Variants in ARID3B observed in about 807,000 individuals in gnomAD.
ARID3B encodes the protein AT-rich interactive domain-containing protein 3B.
Under a neutral mutation model 51.9 loss-of-function variants are expected in ARID3B, and 10 were observed. The observed-to-expected ratio is 0.19, with a 90% confidence interval of 0.12 to 0.33. The LOEUF (loss-of-function observed/expected upper bound fraction) is 0.33. Ranked by LOEUF, ARID3B falls within the 10% of genes least tolerant of loss-of-function variation. ARID3B has a pLI of 1.00. For synonymous variants in ARID3B, 205 were observed against 279.5 expected (o/e 0.73, Z 2.66); for missense variants, 483 against 716.3 (o/e 0.67, Z 3.72).
At position 74,544,261 on chromosome 15, in the gene ARID3B, G is replaced by A; in HGVS notation, c.325G>A (p.Glu109Lys). 3 of 1,614,220 alleles carry A rather than the reference G, an allele frequency of 1.9e-6. No individual in the cohort carries two copies. Among genetic ancestry groups the A allele is most frequent in the Non-Finnish European group, 2.5e-6 (3 of 1,180,030 alleles). The change falls in exon 2 of 9, where the codon GAG becomes AAG. Residue 109 changes from glutamate (E) to lysine (K), a missense_variant. Around this residue, in one of 3 missense-constraint regions of ARID3B, gnomAD observed 182 missense variants for 244.5 expected, o/e 0.74. Coordinates refer to ENST00000346246, the MANE Select transcript of ARID3B (RefSeq NM_006465.4). ...EDEDGDDEVA[E>K]VAEKETQAAS... Reference sequence around the variant, plus strand: ...TGAGGATGGGGATGATGAAGTTGCAGAGGTGGCTGAGAAAGAAACCCAGGC... The same window carrying A: ...TGAGGATGGGGATGATGAAGTTGCAAAGGTGGCTGAGAAAGAAACCCAGGC...
intron 4 of ARID3B, among the ~76,000 whole-genome samples, chr15:74,580,886 T>G (rs775117089): frequency 6.6e-5 from 10 of 152,234 alleles, no homozygotes; most frequent in Non-Finnish European, 1.3e-4. Context: ...ATCTAGCTGA[T>G]GAACACAGGG....
At chr15:74,573,237 G>GAAT in intron 4 of ARID3B, 33 bp downstream of exon 4, 2 of 1,598,666 alleles carry the variant, frequency 1.3e-6, no homozygotes, top group African/African-American at 2.7e-5. Context: ...TTCCAATTCA[G>GAAT]GGAATACTGA....
chr15:74,589,284 C>G (rs2061794647), intron 4 of ARID3B, among the ~76,000 whole-genome samples: 1 of 151,960 alleles, frequency 6.6e-6, no homozygotes, highest in African/African-American at 2.4e-5. Flanking sequence ...CCGCTTCGGC[C>G]TCCCAAAGTG....
At chr15:74,547,379 C>T (rs377465377) in intron 2 of ARID3B, among the ~76,000 whole-genome samples, 9 of 152,148 alleles carry the variant, frequency 5.9e-5, no homozygotes, top group East Asian at 5.8e-4. Flanking sequence ...GACAGGGTTT[C>T]GTCATGTTGG....
chr15:74,593,116 A>G, intron 7 of ARID3B, 22 bp from the exon 8 acceptor site: 1 of 1,609,324 alleles, frequency 6.2e-7, no homozygotes, highest in South Asian at 1.1e-5. Flanking sequence ...GACCAGGCCC[A>G]CTGTCTCCCT....
chr15:74,583,734 T>G (rs2061770014), intron 4 of ARID3B, among the ~76,000 whole-genome samples: 1 of 151,690 alleles, frequency 6.6e-6, no homozygotes, highest in Non-Finnish European at 1.5e-5. Flanking sequence ...AAAAAAAAGT[T>G]CTTTATTTTG....
In ARID3B at chr15:74,541,239, C is replaced by G. The variant is rs1266410032; in HGVS notation, c.-169C>G. 3.3e-5 allele frequency: 5 copies of G among 150,958 alleles called. No homozygotes were observed. The East Asian group carries it at 9.8e-4, about 30-fold the overall frequency. The allele number at this position is 150,958 out of a possible 1,614,324, so 9.4% of individuals were successfully genotyped here. The stretch of plus-strand genomic sequence containing the variant: ...GCGGGCCCCGCCCCGGCTGTGGCCC[C>G]CGGCTGCGGAGGAGTCCGAGACGCA... On this transcript the variant is annotated 5_prime_UTR_variant, in exon 1 of 9. Coordinates refer to ENST00000346246, the MANE Select transcript of ARID3B (RefSeq NM_006465.4).
At chr15:74,575,923 G>T (rs2061735910) in intron 4 of ARID3B, among the ~76,000 whole-genome samples, 1 of 152,178 alleles carries the variant, frequency 6.6e-6, no homozygotes, top group Admixed American at 6.5e-5. Context: ...TTGAGACAGG[G>T]TCTCACTCTG....
intron 4 of ARID3B, among the ~76,000 whole-genome samples, chr15:74,578,160 C>CTTTT (rs1472225474): frequency 5.5e-5 from 3 of 54,776 alleles, no homozygotes; most frequent in African/African-American, 1.5e-4. Context: ...CCTGGCCTGT[C>CTTTT]TTTTTTTTGT....
chr15:74,560,944 C>T (rs1410770628), intron 2 of ARID3B, among the ~76,000 whole-genome samples: 1 of 152,178 alleles, frequency 6.6e-6, no homozygotes, highest in Non-Finnish European at 1.5e-5. Context: ...TTTTCCCAAA[C>T]CCTTGTCAAC....
chr15:74,552,056 CTTTTTTTT>C (rs869096001), intron 2 of ARID3B, among the ~76,000 whole-genome samples: 5 of 102,630 alleles, frequency 4.9e-5, no homozygotes, highest in Non-Finnish European at 9.2e-5. Context: ...TCTTTCTTTC[CTTTTTTTT>C]TTTTTTTTTT....
intron 2 of ARID3B, among the ~76,000 whole-genome samples, chr15:74,546,808 G>A (rs2061617563): frequency 6.6e-6 from 1 of 152,164 alleles, no homozygotes; most frequent in Non-Finnish European, 1.5e-5. Flanking sequence ...GAACTGAACT[G>A]GGGGGCTTTG....
At chr15:74,558,569 G>A (rs897959352) in intron 2 of ARID3B, among the ~76,000 whole-genome samples, 2 of 151,652 alleles carry the variant, frequency 1.3e-5, no homozygotes, top group East Asian at 3.9e-4. Context: ...AAAAAAAAAA[G>A]AATAGTAATG....
chr15:74,591,621 G>A lies in ARID3B; in HGVS notation c.1227G>A (p.Leu409=), dbSNP rs2061803667. The A allele has an allele frequency of 1.2e-6, 2 of 1,601,224 alleles. No homozygotes were observed. The highest frequency in any genetic ancestry group is 1.7e-6 in the Non-Finnish European group (2 of 1,174,252). ...ATCGTCTGGCTGTGCCCGTGACCTT[G>A]GCAAGCCAGCAGGCTGGTACTCGGA... The part of the protein sequence containing the change: ...VPNRLAVPVT[L]ASQQAGTRTA... The change falls in exon 7 of 9, where the codon TTG becomes TTA. Residue 409 remains leucine, a synonymous_variant. Transcript: ENST00000346246. This position sits in a 1 kb window ranked among gnomAD's most constrained non-coding sequence, Gnocchi z 5.8.
Position 74,556,776 on chromosome 15 carries a change from G to GTTTTTTTTTTT in ARID3B, c.552+12294_552+12304dup. ...TCCTTTTTTCTTTTTTTTGTTTTTT[G>GTTTTTTTTTTT]TTTTTTTTTTTTTTTTGAGACGGAG... On this transcript the variant is annotated intron_variant, in intron 2 of 8. Coordinates refer to ENST00000346246, the MANE Select transcript of ARID3B (RefSeq NM_006465.4). 1.3e-3 allele frequency among the ~76,000 whole-genome samples: 160 copies of GTTTTTTTTTTT among 122,506 alleles called. 2 individuals are homozygous for GTTTTTTTTTTT. The highest frequency in any genetic ancestry group is 3.9e-3 in the African/African-American group (125 of 31,944). The allele number at this position is 122,506 out of a possible 152,430, so 80.4% of individuals were successfully genotyped here.
At chr15:74,542,891 TG>T (rs1220912458) in intron 1 of ARID3B, among the ~76,000 whole-genome samples, 2 of 152,170 alleles carry the variant, frequency 1.3e-5, no homozygotes, top group East Asian at 3.8e-4. Flanking sequence ...GATGTGTGTT[TG>T]GAGACTGATT....
chr15:74,573,390 T>G lies in ARID3B; in HGVS notation c.697+186T>G, dbSNP rs2061726154. On this transcript the variant is annotated intron_variant, in intron 4 of 8. Coordinates refer to ENST00000346246, the MANE Select transcript of ARID3B (RefSeq NM_006465.4). Reference sequence around the variant, plus strand: ...CAGATTGAAGAGGACAGAGAAGGTGTTGGCACAAAGTAGATGGAATGATCG... The same window carrying G: ...CAGATTGAAGAGGACAGAGAAGGTGGTGGCACAAAGTAGATGGAATGATCG... 10 of 641,398 alleles carry G rather than the reference T, an allele frequency of 1.6e-5. No homozygotes were observed. The South Asian group carries it at 1.9e-4, about 12-fold the overall frequency. The allele number at this position is 641,398 out of a possible 1,614,324, so 39.7% of individuals were successfully genotyped here. A position where few individuals can be genotyped will look rare whatever the true frequency, so the allele number is the denominator to read the frequency against.
In ARID3B at chr15:74,576,659, CA is replaced by C. The variant is rs1016046097; in HGVS notation, c.697+3468del. 2.1e-3 allele frequency among the ~76,000 whole-genome samples: 285 copies of C among 134,778 alleles called. 2 individuals carry two copies. The highest frequency in any genetic ancestry group is 6.2e-3 in the African/African-American group (226 of 36,628). The allele number at this position is 134,778 out of a possible 152,430, so 88.4% of individuals were successfully genotyped here. A position where few individuals can be genotyped will look rare whatever the true frequency, so the allele number is the denominator to read the frequency against. ...CTGGCCAAAAAGTGAGACCCTGTCT[CA>C]AAAAAAAAAAAACTTTTTATGAAAA... On this transcript the variant is annotated intron_variant, in intron 4 of 8. Transcript: ENST00000346246.
intron 4 of ARID3B, among the ~76,000 whole-genome samples, chr15:74,578,179 G>GT (rs200505620): frequency 1.7e-3 from 239 of 141,002 alleles, no homozygotes; most frequent in African/African-American, 5.2e-3. Flanking sequence ...GTTTTTTTTT[G>GT]TTTTTTTTGT....
Sources: gnomAD v4.1 joint callset for allele counts (sites outside exome capture counted in the v4.1 genomes callset) on GRCh38, gnomAD v4.1.1 for gene constraint, gnomAD v4.1.1 regional missense constraint, Gnocchi (gnomAD v3.1) non-coding constraint, MANE v1.5 for transcripts, NCBI Gene and HGNC (gene_info 2026-07-23, HGNC 2026-07-21) for gene names.